The following FGF12 variants were observed in gnomAD, a reference collection of about 807,000 sequenced individuals.
FGF12 encodes the protein fibroblast growth factor 12.
A neutral mutation model predicts 23.6 loss-of-function variants in FGF12; 14 were observed. The ratio of observed to expected loss-of-function variants is 0.59; its 90% confidence interval spans 0.39 to 0.93. FGF12 has a LOEUF of 0.93. Among genes scored for constraint, FGF12 ranks in the 40% least tolerant of loss-of-function variants. The pLI, the probability that FGF12 is intolerant of heterozygous loss-of-function variation, is 0.00. For missense variants in FGF12, 175 were observed against 217.8 expected, an observed-to-expected ratio of 0.80 and a Z score of 1.24; for synonymous variants, 62 against 77.3, an observed-to-expected ratio of 0.80 and a Z score of 1.04.
chr3:192,162,786 T>G (rs183980062), intron 5 of FGF12, among the ~76,000 whole-genome samples: 24 of 152,150 alleles, frequency 1.6e-4, no homozygotes, highest in Non-Finnish European at 2.9e-4. Flanking sequence ...ACATCAGGAC[T>G]CCTGATTTGC....
rs551758107 is a variant in FGF12 at position 192,180,690 on chromosome 3, T to A, written c.229-10034A>T. Among the ~76,000 whole-genome samples the A allele has an allele frequency of 5.9e-5, 9 of 152,350 alleles. No individual in the cohort carries two copies. The South Asian group carries it at 1.9e-3, about 32-fold the overall frequency. On this transcript the variant is annotated intron_variant, in intron 4 of 5. Transcript: ENST00000445105. ...TATTTTTTACATGAAATTTCCTAAC[T>A]TTTAAAACTTCTGTATCAACTCCCA... is the stretch of plus-strand genomic sequence containing the variant.
intron 5 of FGF12, among the ~76,000 whole-genome samples, chr3:192,162,524 T>A (rs1714941836): frequency 6.6e-6 from 1 of 152,080 alleles, no homozygotes; most frequent in Non-Finnish European, 1.5e-5. Flanking sequence ...TTGAATAAGT[T>A]ACAATGGTTT....
At chr3:192,484,750 T>C (rs541398427) in intron 2 of FGF12, among the ~76,000 whole-genome samples, 6 of 152,276 alleles carry the variant, frequency 3.9e-5, no homozygotes, top group Admixed American at 2.0e-4. Context: ...ACTATTTCCA[T>C]TGTATTTATA....
rs1359207665 is a variant in FGF12, at chr3:192,140,599, C to G, written c.*3410G>C. 6.6e-6 allele frequency: 1 copy of G among 151,970 alleles called. No individual in the cohort carries two copies. Among genetic ancestry groups the G allele is most frequent in the Admixed American group, 6.6e-5 (1 of 15,250 alleles). 9.4% of individuals were successfully genotyped at this position (151,970 alleles called of 1,614,324 possible). A position where few individuals can be genotyped will look rare whatever the true frequency, so the allele number is the denominator to read the frequency against. ...TACTCTTGTCTTAATACTCTCATCT[C>G]CCACTAGTGGCACCGCAGGACTACC... On this transcript the variant is annotated 3_prime_UTR_variant, in exon 6 of 6. Transcript: ENST00000445105.
At chr3:192,656,376 G>C (rs1026201937) in intron 2 of FGF12, among the ~76,000 whole-genome samples, 1 of 151,124 alleles carries the variant, frequency 6.6e-6, no homozygotes, top group African/African-American at 2.4e-5. Flanking sequence ...TAGCACAAAA[G>C]GAATGAGAAT....
chr3:192,502,108 T>C (rs1195918228), intron 2 of FGF12, among the ~76,000 whole-genome samples: 2 of 152,200 alleles, frequency 1.3e-5, no homozygotes, highest in Non-Finnish European at 2.9e-5. Flanking sequence ...TTTTCCCTTG[T>C]CCTAGAAATT....
chr3:192,449,395 G>A (rs138340683), intron 2 of FGF12, among the ~76,000 whole-genome samples: 36 of 152,188 alleles, frequency 2.4e-4, no homozygotes, highest in Non-Finnish European at 3.8e-4. Flanking sequence ...GTAAGCTTGC[G>A]TCCCCAGTTT....
At chr3:192,564,453 C>T (rs915782016) in intron 2 of FGF12, among the ~76,000 whole-genome samples, 2 of 152,132 alleles carry the variant, frequency 1.3e-5, no homozygotes, top group African/African-American at 4.8e-5. Flanking sequence ...CTTTATGCTT[C>T]GGGGACAGTA....
intron 2 of FGF12, among the ~76,000 whole-genome samples, chr3:192,562,297 G>A (rs1847340): frequency 0.083 from 12,595 of 152,186 alleles, 1,412 homozygotes; most frequent in African/African-American, 0.26. Flanking sequence ...AATGTTGTAT[G>A]TCTTGATGAA....
At chr3:192,520,362 A>G (rs941078873) in intron 2 of FGF12, among the ~76,000 whole-genome samples, 1 of 152,192 alleles carries the variant, frequency 6.6e-6, no homozygotes, top group African/African-American at 2.4e-5. Context: ...TATTTATAAT[A>G]TATTCACTTA....
chr3:192,256,374 C>T (rs1473234546), intron 4 of FGF12, among the ~76,000 whole-genome samples: 1 of 43,588 alleles, frequency 2.3e-5, no homozygotes, highest in Non-Finnish European at 3.9e-5. Flanking sequence ...ACTCATACCG[C>T]ACACACACAC....
chr3:192,369,763 T>C (rs1719140863), intron 2 of FGF12, among the ~76,000 whole-genome samples: 1 of 152,204 alleles, frequency 6.6e-6, no homozygotes, highest in Admixed American at 6.5e-5. Flanking sequence ...TAAGATGCAA[T>C]TCCTGCCTTG....
At chr3:192,267,328 A>G (rs959607693) in intron 4 of FGF12, among the ~76,000 whole-genome samples, 16 of 152,270 alleles carry the variant, frequency 1.1e-4, no homozygotes, top group African/African-American at 3.4e-4. Flanking sequence ...GCCAAAATAC[A>G]ATGTGCAAGG....
At chr3:192,235,655 T>C (rs1468648109) in intron 4 of FGF12, among the ~76,000 whole-genome samples, 3 of 152,124 alleles carry the variant, frequency 2.0e-5, no homozygotes, top group African/African-American at 7.2e-5. Flanking sequence ...TGCAGAGAGG[T>C]GTTCATAATA....
rs114795665 is a variant in FGF12 at position 192,210,270 on chromosome 3, G to T, written c.229-39614C>A. Among the ~76,000 whole-genome samples, 517 of 152,306 alleles carry T rather than the reference G, an allele frequency of 3.4e-3. 2 individuals are homozygous for T. The highest frequency in any genetic ancestry group is 0.012 in the African/African-American group (503 of 41,566). On this transcript the variant is annotated intron_variant, in intron 4 of 5. Coordinates refer to ENST00000445105, the MANE Select transcript of FGF12 (RefSeq NM_004113.6). ...TCAGGGAGCCAGGGGAGGCAAGGTG[G>T]CTAGAAGTTGGGTGTCAGTGTATCA...
chr3:192,187,744 C>T (rs1292354181), intron 4 of FGF12, among the ~76,000 whole-genome samples: 4 of 127,760 alleles, frequency 3.1e-5, no homozygotes, highest in South Asian at 5.0e-4. Flanking sequence ...GAGAGATAAA[C>T]GAAAGGAGAG....
intron 2 of FGF12, among the ~76,000 whole-genome samples, chr3:192,705,535 TACA>T (rs1367074922): frequency 6.6e-6 from 1 of 152,246 alleles, no homozygotes; most frequent in African/African-American, 2.4e-5. Flanking sequence ...TCAGAACACA[TACA>T]ACATTTATGG....
intron 5 of FGF12, among the ~76,000 whole-genome samples, chr3:192,158,834 C>T (rs1714704101): frequency 6.6e-6 from 1 of 151,938 alleles, no homozygotes; most frequent in South Asian, 2.1e-4. Flanking sequence ...AAATTACCAA[C>T]CTATGGACAT....
intron 3 of FGF12, among the ~76,000 whole-genome samples, chr3:192,359,273 TAGAA>T (rs1718614644): frequency 6.6e-6 from 1 of 152,300 alleles, no homozygotes; most frequent in African/African-American, 2.4e-5. Flanking sequence ...AAGAATAACT[TAGAA>T]AGGGTGGACA....
Sources: allele counts gnomAD v4.1 joint callset (sites outside exome capture counted in the v4.1 genomes callset), GRCh38; gene constraint gnomAD v4.1.1; transcripts MANE v1.5; gene names NCBI Gene and HGNC (gene_info 2026-07-23, HGNC 2026-07-21).